Variants in UBE4A observed in about 807,000 individuals in gnomAD.
The protein encoded by UBE4A is ubiquitin conjugation factor E4 A.
UBE4A carries 48 observed loss-of-function variants against 117.9 expected under a neutral mutation model. That is an observed-to-expected ratio of 0.41 (90% confidence interval 0.32 to 0.52). The LOEUF is 0.52. Among genes scored for constraint, UBE4A ranks in the 20% least tolerant of loss-of-function variants. UBE4A has a pLI of 0.33. For synonymous variants in UBE4A, 407 were observed against 450.0 expected, an observed-to-expected ratio of 0.90 and a Z score of 1.21; for missense variants, 1,067 against 1,296.3, an observed-to-expected ratio of 0.82 and a Z score of 2.72.
chr11:118,367,608 TCTC>T (rs1479413183), intron 2 of UBE4A, among the ~76,000 whole-genome samples: 1 of 151,394 alleles, frequency 6.6e-6, no homozygotes, highest in African/African-American at 2.4e-5. Flanking sequence ...TTTAAGCAAT[TCTC>T]CTGCCTCAGC....
intron 18 of UBE4A, among the ~76,000 whole-genome samples, chr11:118,391,778 A>C (rs954037789): frequency 6.6e-6 from 1 of 150,862 alleles, no homozygotes; most frequent in Non-Finnish European, 1.5e-5. Flanking sequence ...TGGGCAAAAG[A>C]GCGAGACTCC....
At position 118,384,639 on chromosome 11, in the gene UBE4A, C is replaced by T; in HGVS notation, c.2202C>T (p.Asp734=). The T allele has an allele frequency of 6.2e-7, 1 of 1,613,914 alleles. No homozygotes were observed. Among genetic ancestry groups the T allele is most frequent in the Non-Finnish European group, 8.5e-7 (1 of 1,179,904 alleles). The change falls in exon 14 of 20, where the codon GAC becomes GAT. Residue 734 remains aspartate, a synonymous_variant. Transcript: ENST00000252108. ...TTCGCTCTTGCCTTACTCCAGGAGA[C>T]CCCCATCAATTTGAACAGAAGTTTA... The part of the protein sequence containing the change: ...KVFVDIEFTG[D]PHQFEQKFNY...
chr11:118,385,531 G>A (rs1177828902), intron 15 of UBE4A, among the ~76,000 whole-genome samples: 1 of 152,110 alleles, frequency 6.6e-6, no homozygotes, highest in Non-Finnish European at 1.5e-5. Context: ...AATGCAGCTG[G>A]GTGCCTCTCA....
intron 11 of UBE4A, among the ~76,000 whole-genome samples, chr11:118,380,128 TGTGTGC>T (rs1385849083): frequency 3.2e-4 from 22 of 68,450 alleles, no homozygotes; most frequent in Middle Eastern, 0.017. Context: ...TGTGTGTGTG[TGTGTGC>T]GTGTGTGTGT....
At chr11:118,384,524 C>A in intron 13 of UBE4A, 111 bp from the exon 14 acceptor site, 1 of 953,626 alleles carries the variant, frequency 1.0e-6, no homozygotes, top group Non-Finnish European at 1.6e-6. Context: ...TTGTTAGTAG[C>A]CTTAACACAC....
At chr11:118,367,261 C>T (rs1212774758) in intron 2 of UBE4A, among the ~76,000 whole-genome samples, 2 of 144,154 alleles carry the variant, frequency 1.4e-5, no homozygotes. Flanking sequence ...AAAAAAAAAT[C>T]GAAGGAATTT....
chr11:118,392,154 C>G (rs534273654), intron 18 of UBE4A, among the ~76,000 whole-genome samples: 1 of 152,198 alleles, frequency 6.6e-6, no homozygotes, highest in South Asian at 2.1e-4. Context: ...TAATAGAAAA[C>G]CTTCCTTATT....
chr11:118,375,987 G>A (rs1400257911), intron 9 of UBE4A, among the ~76,000 whole-genome samples: 1 of 152,104 alleles, frequency 6.6e-6, no homozygotes, highest in African/African-American at 2.4e-5. Context: ...AGAAGCAAGA[G>A]GGTCCCTTTA....
At chr11:118,377,082 A>G (rs1423482059) in intron 10 of UBE4A, among the ~76,000 whole-genome samples, 1 of 152,192 alleles carries the variant, frequency 6.6e-6, no homozygotes, top group Admixed American at 6.5e-5. Context: ...AGAGTCTTAC[A>G]GATATAATCT....
Position 118,396,524 on chromosome 11 carries a change from CTT to C in UBE4A, c.*87_*88del, listed in dbSNP as rs1948875239. ...GGTTTCTCTCTTTCTGGTTCTGTTCCTTTTCTTTCTTCTTTTCTTTTTCTTTT... is the reference window on the plus strand; with the variant it reads ...GGTTTCTCTCTTTCTGGTTCTGTTCCTTCTTTCTTCTTTTCTTTTTCTTTT... On this transcript the variant is annotated 3_prime_UTR_variant, in exon 20 of 20. Coordinates refer to ENST00000252108, the MANE Select transcript of UBE4A (RefSeq NM_001204077.2). 7.1e-7 allele frequency: 1 copy of C among 1,406,258 alleles called. No homozygotes were observed. The highest frequency in any genetic ancestry group is 9.4e-7 in the Non-Finnish European group (1 of 1,059,934). 87.1% of individuals were successfully genotyped at this position (1,406,258 alleles called of 1,614,324 possible). A position where few individuals can be genotyped will look rare whatever the true frequency, so the allele number is the denominator to read the frequency against.
At position 118,364,849 on chromosome 11, in the gene UBE4A, C is replaced by T. The variant is rs980459551; in HGVS notation, c.-41-191C>T. 4.7e-5 allele frequency among the ~76,000 whole-genome samples: 7 copies of T among 150,222 alleles called. 1 individual carries two copies. The highest frequency in any genetic ancestry group is 9.0e-5 in the Non-Finnish European group (6 of 66,930). On this transcript the variant is annotated intron_variant, in intron 1 of 19. Transcript: ENST00000252108. Reference sequence around the variant, plus strand: ...TTCAGCTATCCACAAATCAAGCCACCGAGTCCAGCTGGTAGGTTTGTAACC... The same window carrying T: ...TTCAGCTATCCACAAATCAAGCCACTGAGTCCAGCTGGTAGGTTTGTAACC...
At chr11:118,362,495 G>A (rs1313453710) in intron 1 of UBE4A, among the ~76,000 whole-genome samples, 3 of 152,116 alleles carry the variant, frequency 2.0e-5, no homozygotes, top group Admixed American at 6.6e-5. Flanking sequence ...TTCTGCTTAC[G>A]TGTTGCAGGT....
chr11:118,369,886 G>A (rs960650848), intron 4 of UBE4A, among the ~76,000 whole-genome samples: 11 of 152,112 alleles, frequency 7.2e-5, no homozygotes, highest in African/African-American at 2.2e-4. Flanking sequence ...GAGGTCAGGA[G>A]ATCAAGACCA....
chr11:118,390,629 C>T, intron 17 of UBE4A, 28 bp from the exon 18 acceptor site: 1 of 1,475,488 alleles, frequency 6.8e-7, no homozygotes, highest in East Asian at 2.6e-5. Context: ...CTCTGGTGAT[C>T]AGTTTTTTTC....
At chr11:118,372,700 A>G (rs1948619197) in intron 6 of UBE4A, 34 bp downstream of exon 6, 1 of 1,604,576 alleles carries the variant, frequency 6.2e-7, no homozygotes, top group African/African-American at 1.4e-5. Context: ...AAGCTTCTAC[A>G]TTTTGATTTT....
intron 4 of UBE4A, among the ~76,000 whole-genome samples, chr11:118,370,008 T>C (rs944963573): frequency 3.4e-4 from 51 of 151,702 alleles, no homozygotes; most frequent in African/African-American, 1.2e-3. Context: ...AGGAGAATGG[T>C]TTAAACCCAG....
chr11:118,371,508 T>C lies in UBE4A; in HGVS notation c.409-6T>C. ...GTTTAGTATTTTTGTTTGGTTTTCT[T>C]TATAGGCCCTCTTCGCTCGCTTATT... On this transcript the variant is annotated splice_polypyrimidine_tract_variant and splice_region_variant and intron_variant, in intron 4 of 19. Transcript: ENST00000252108. 6.2e-7 allele frequency: 1 copy of C among 1,605,742 alleles called. No individual in the cohort carries two copies. Among genetic ancestry groups the C allele is most frequent in the Non-Finnish European group, 8.5e-7 (1 of 1,175,566 alleles).
intron 4 of UBE4A, 46 bp downstream of exon 4, chr11:118,369,581 T>C (rs368921395): frequency 6.9e-7 from 1 of 1,439,164 alleles, no homozygotes; most frequent in Admixed American, 1.7e-5. Flanking sequence ...AAAAATTAGC[T>C]ATGCGGCTGA....
intron 4 of UBE4A, 103 bp downstream of exon 4, chr11:118,369,638 C>A: frequency 1.4e-6 from 1 of 695,942 alleles, no homozygotes; most frequent in Non-Finnish European, 2.3e-6. Flanking sequence ...ATATGTCCAT[C>A]CCTCTCTCTT....
Sources: allele counts gnomAD v4.1 joint callset (sites outside exome capture counted in the v4.1 genomes callset), GRCh38; gene constraint gnomAD v4.1.1; transcripts MANE v1.5; gene names NCBI Gene and HGNC (gene_info 2026-07-23, HGNC 2026-07-21).